Variants in KDM2A observed in about 807,000 individuals in gnomAD.
KDM2A encodes the protein lysine-specific demethylase 2A.
KDM2A carries 3 observed loss-of-function variants against 137.3 expected under a neutral mutation model. The ratio of observed to expected loss-of-function variants is 0.02; its 90% CI spans 0.01 to 0.06. KDM2A has a LOEUF of 0.06. Ranked by LOEUF, KDM2A falls within the 10% of genes least tolerant of loss-of-function variation. The pLI is 1.00. For missense variants in KDM2A, 738 were observed against 1,510.6 expected (o/e 0.49, Z 8.48); for synonymous variants, 512 against 541.5 (o/e 0.95, Z 0.76).
At chr11:67,218,268 G>A (rs1036244294) in intron 9 of KDM2A, among the ~76,000 whole-genome samples, 1 of 152,186 alleles carries the variant, frequency 6.6e-6, no homozygotes, top group Non-Finnish European at 1.5e-5. Flanking sequence ...GGATGTTTTT[G>A]ATCAAGTCAT....
At chr11:67,130,893 G>T (rs1322921754) in intron 2 of KDM2A, among the ~76,000 whole-genome samples, 5 of 149,652 alleles carry the variant, frequency 3.3e-5, no homozygotes, top group Admixed American at 1.3e-4. Flanking sequence ...TATGGAGAGA[G>T]AGGCCCAGGG....
At chr11:67,200,510 C>A (rs1857593341) in intron 5 of KDM2A, among the ~76,000 whole-genome samples, 1 of 152,100 alleles carries the variant, frequency 6.6e-6, no homozygotes, top group Non-Finnish European at 1.5e-5. Context: ...AGCGACCGTG[C>A]CCAGCCTGTT....
chr11:67,250,607 AGAGGAGGAG>A lies in KDM2A; in HGVS notation c.2589_2597del (p.Glu864_Glu866del), dbSNP rs752328206. On this transcript the variant is annotated inframe_deletion, in exon 17 of 21. Transcript: ENST00000529006. The surrounding 1 kb of genome is among the most constrained non-coding windows in gnomAD (Gnocchi z 7.1). The stretch of plus-strand genomic sequence containing the variant: ...AGGGGCTGGGGGGAGAGGAGGAGGA[AGAGGAGGAG>A]GAGGAGGAGGAAGATGACAGTGCAG... 6.2e-6 allele frequency: 10 copies of A among 1,611,154 alleles called. No homozygotes were observed. The highest frequency in any genetic ancestry group is 8.5e-6 in the Non-Finnish European group (10 of 1,178,070).
chr11:67,240,338 C>T (rs1200429567), intron 12 of KDM2A: 5 of 1,535,382 alleles, frequency 3.3e-6, no homozygotes, highest in Non-Finnish European at 4.4e-6. Flanking sequence ...CACCAAGAGC[C>T]TCGGCAGCTC....
intron 2 of KDM2A, among the ~76,000 whole-genome samples, chr11:67,122,433 C>A (rs1855617449): frequency 6.6e-6 from 1 of 151,640 alleles, no homozygotes; most frequent in Non-Finnish European, 1.5e-5. Flanking sequence ...TTCAAGTGAT[C>A]CTCCTGCCTC....
chr11:67,181,346 G>A lies in KDM2A; in HGVS notation c.208G>A (p.Gly70Ser). 1 of 1,611,100 alleles carries A rather than the reference G, an allele frequency of 6.2e-7. No individual in the cohort carries two copies. The highest frequency in any genetic ancestry group is 1.7e-5 in the Admixed American group (1 of 59,878). ...TTTTAATGTAGAGTATATTCAGCGGGGTGGCTTGAGAGATCCTCTGATTTT... is the reference window on the plus strand; with the variant it reads ...TTTTAATGTAGAGTATATTCAGCGGAGTGGCTTGAGAGATCCTCTGATTTT... ...KDFNVEYIQRGGLRDPLIFKN... is the reference protein window; with the variant it reads ...KDFNVEYIQRSGLRDPLIFKN... Residue 70 changes from glycine (G) to serine (S), a missense_variant, in exon 4 of 21, where the codon GGT becomes AGT. Gly to Ser is a moderately conservative substitution (Grantham distance 56, BLOSUM62 0). Transcript: ENST00000529006.
chr11:67,162,410 G>A (rs946273887), intron 2 of KDM2A, among the ~76,000 whole-genome samples: 1 of 152,010 alleles, frequency 6.6e-6, no homozygotes, highest in African/African-American at 2.4e-5. Context: ...TATTTTATTT[G>A]TATATATTTT....
At chr11:67,201,974 G>T (rs1478248592) in intron 5 of KDM2A, among the ~76,000 whole-genome samples, 1 of 151,648 alleles carries the variant, frequency 6.6e-6, no homozygotes, top group Non-Finnish European at 1.5e-5. Context: ...TAATTAAAAT[G>T]AAAAAGAGCA....
intron 2 of KDM2A, among the ~76,000 whole-genome samples, chr11:67,139,450 G>A (rs904129560): frequency 1.3e-5 from 2 of 152,160 alleles, no homozygotes; most frequent in East Asian, 3.9e-4. Flanking sequence ...TCTCCGTGTT[G>A]GCCAGGCTGG....
Position 67,254,541 on chromosome 11 carries a change from C to A in KDM2A, c.3307+123C>A. 3.6e-6 allele frequency: 3 copies of A among 830,980 alleles called. No homozygotes were observed. The highest frequency in any genetic ancestry group is 1.7e-5 in the African/African-American group (1 of 59,908). 51.5% of individuals were successfully genotyped at this position (830,980 alleles called of 1,614,324 possible). A position where few individuals can be genotyped will look rare whatever the true frequency, so the allele number is the denominator to read the frequency against. ...TGACCCACATCAGCTCATTTCTTCA[C>A]ATCTGGACAAGGACATGGATTTCTA... On this transcript the variant is annotated intron_variant, in intron 20 of 20. Coordinates refer to ENST00000529006, the MANE Select transcript of KDM2A (RefSeq NM_012308.3). The surrounding 1 kb of genome is among the most constrained non-coding windows in gnomAD (Gnocchi z 4.7).
chr11:67,248,580 G>A, intron 16 of KDM2A: 1 of 493,972 alleles, frequency 2.0e-6, no homozygotes, highest in Non-Finnish European at 3.6e-6. Context: ...ACTAAATGTT[G>A]TTCCACTTGG....
intron 5 of KDM2A, among the ~76,000 whole-genome samples, chr11:67,192,871 A>G (rs1307877212): frequency 6.6e-6 from 1 of 152,142 alleles, no homozygotes; most frequent in Admixed American, 6.5e-5. Flanking sequence ...CACCTTGTCA[A>G]ATTCCTCTCC....
At chr11:67,156,841 A>T (rs866102537) in intron 2 of KDM2A, among the ~76,000 whole-genome samples, 16 of 151,930 alleles carry the variant, frequency 1.1e-4, no homozygotes, top group African/African-American at 3.6e-4. Context: ...GTGAGCCGAG[A>T]TCGCGCCACT....
intron 2 of KDM2A, among the ~76,000 whole-genome samples, chr11:67,156,408 C>A (rs1271492726): frequency 3.3e-5 from 5 of 151,870 alleles, no homozygotes; most frequent in Non-Finnish European, 5.9e-5. Context: ...CATGGTGAAA[C>A]CCTGTCTCTA....
intron 10 of KDM2A, among the ~76,000 whole-genome samples, chr11:67,220,545 C>T (rs571668751): frequency 6.6e-6 from 1 of 152,156 alleles, no homozygotes; most frequent in South Asian, 2.1e-4. Context: ...GAGAATTAAG[C>T]CCAAAATAAA....
intron 2 of KDM2A, among the ~76,000 whole-genome samples, chr11:67,140,931 C>G (rs1856085172): frequency 1.3e-5 from 2 of 152,102 alleles, no homozygotes; most frequent in Non-Finnish European, 2.9e-5. Flanking sequence ...TTAGGTAGAA[C>G]TAGTTTAAAA....
chr11:67,139,773 G>A (rs980473873), intron 2 of KDM2A, among the ~76,000 whole-genome samples: 2 of 151,982 alleles, frequency 1.3e-5, no homozygotes, highest in African/African-American at 4.8e-5. Flanking sequence ...GCGCTGGCAC[G>A]ATCTTGGCTC....
At chr11:67,159,345 C>T (rs1365776256) in intron 2 of KDM2A, among the ~76,000 whole-genome samples, 1 of 152,180 alleles carries the variant, frequency 6.6e-6, no homozygotes, top group African/African-American at 2.4e-5. Flanking sequence ...ATGAGTGATA[C>T]TGTCTTTTAA....
At chr11:67,221,791 C>T (rs929151448) in intron 10 of KDM2A, among the ~76,000 whole-genome samples, 2 of 151,840 alleles carry the variant, frequency 1.3e-5, no homozygotes, top group Non-Finnish European at 2.9e-5. Context: ...GCAACAAAGC[C>T]GGGTGTGGTG....
Sources: gnomAD v4.1 joint callset for allele counts (sites outside exome capture counted in the v4.1 genomes callset) on GRCh38, gnomAD v4.1.1 for gene constraint, Gnocchi (gnomAD v3.1) non-coding constraint, MANE v1.5 for transcripts, NCBI Gene and HGNC (gene_info 2026-07-23, HGNC 2026-07-21) for gene names.